COL7A1: variants seen among roughly 807,000 people sequenced by gnomAD.
COL7A1 encodes the protein collagen type VII alpha 1 chain.
COL7A1 carries 296 observed loss-of-function variants against 456.2 expected under a neutral mutation model. The ratio of observed to expected loss-of-function variants is 0.65; its 90% CI spans 0.59 to 0.71. The LOEUF is 0.71. COL7A1 is among the 30% of genes least tolerant of loss of function. The probability of loss-of-function intolerance (pLI) is 0.00; values close to 1 mark genes in which losing one functional copy is unlikely to be tolerated. For missense variants in COL7A1, 3,441 were observed against 4,017.2 expected (o/e 0.86, Z 3.88); for synonymous variants, 1,464 against 1,525.9 (o/e 0.96, Z 0.95).
In COL7A1 at chr3:48,567,664, C is replaced by A. The variant is rs750087257; in HGVS notation, c.7984-28G>T. The A allele has an allele frequency of 3.7e-6, 6 of 1,614,088 alleles. No individual in the cohort carries two copies. The highest frequency in any genetic ancestry group is 5.1e-6 in the Non-Finnish European group (6 of 1,180,012). ...GGAGAAAAAAAGACATGAACTTGGC[C>A]CCCGTCCACCCGTGGCCCCCTCATT... On this transcript the variant is annotated intron_variant, in intron 108 of 118. Transcript: ENST00000681320. The surrounding 1 kb of genome is among the most constrained non-coding windows in gnomAD (Gnocchi z 4.3).
Position 48,568,590 on chromosome 3 carries a change from C to T in COL7A1, c.7759-56G>A, listed in dbSNP as rs2107638898. On this transcript the variant is annotated intron_variant, in intron 104 of 118. Transcript: ENST00000681320. This position sits in a 1 kb window ranked among gnomAD's most constrained non-coding sequence, Gnocchi z 5.2. ...AGTGGGACTGTCCCCAACACTGGCC[C>T]ATCCGCTGCATGTGTGGCCACTCAG... 1.3e-6 allele frequency: 2 copies of T among 1,568,352 alleles called. No individual in the cohort carries two copies. Among genetic ancestry groups the T allele is most frequent in the Non-Finnish European group, 1.7e-6 (2 of 1,150,910 alleles).
rs372550217 is a variant in COL7A1, at chr3:48,574,566, C to A, written c.6394-16G>T. On this transcript the variant is annotated splice_polypyrimidine_tract_variant and intron_variant, in intron 78 of 118. Coordinates refer to ENST00000681320, the MANE Select transcript of COL7A1 (RefSeq NM_000094.4). The surrounding 1 kb of genome is among the most constrained non-coding windows in gnomAD (Gnocchi z 5.0). The stretch of plus-strand genomic sequence containing the variant: ...CTGGCACACCCTGAAGGCAGAGTGT[C>A]GTGCCCTGAGCCCCCAGTCCCTGCC... 3 of 1,613,858 alleles carry A rather than the reference C, an allele frequency of 1.9e-6. No individual in the cohort carries two copies. Among genetic ancestry groups the A allele is most frequent in the South Asian group, 2.2e-5 (2 of 91,084 alleles).
At position 48,570,346 on chromosome 3, in the gene COL7A1, C is replaced by G. The variant is rs2043829185; in HGVS notation, c.7381-12G>C. 6.2e-7 allele frequency: 1 copy of G among 1,614,076 alleles called. No homozygotes were observed. The highest frequency in any genetic ancestry group is 1.1e-5 in the South Asian group (1 of 91,082). Reference sequence around the variant, plus strand: ...ACTCCAGGGTCTCCCTGGAGACCAACAGGACACCGGGGATCAGTGAGGGGA... The same window carrying G: ...ACTCCAGGGTCTCCCTGGAGACCAAGAGGACACCGGGGATCAGTGAGGGGA... On this transcript the variant is annotated splice_polypyrimidine_tract_variant and intron_variant, in intron 97 of 118. Transcript: ENST00000681320. This position sits in a 1 kb window ranked among gnomAD's most constrained non-coding sequence, Gnocchi z 5.5.
At position 48,579,821 on chromosome 3, in the gene COL7A1, G is replaced by A. The variant is rs1482877505; in HGVS notation, c.5125-7C>T. ...CTCCAGGTCCTGTGTCTACCTGTGG[G>A]GGGAATGACCAGTGAGAAGAATGGC... On this transcript the variant is annotated splice_polypyrimidine_tract_variant and splice_region_variant and intron_variant, in intron 57 of 118. Coordinates refer to ENST00000681320, the MANE Select transcript of COL7A1 (RefSeq NM_000094.4). This position sits in a 1 kb window ranked among gnomAD's most constrained non-coding sequence, Gnocchi z 4.4. The A allele has an allele frequency of 5.0e-6, 8 of 1,613,976 alleles. No homozygotes were observed. Among genetic ancestry groups the A allele is most frequent in the Non-Finnish European group, 6.8e-6 (8 of 1,180,034 alleles).
Position 48,583,155 on chromosome 3 carries a change from G to A in COL7A1, c.4454C>T (p.Pro1485Leu), listed in dbSNP as rs2044902678. The A allele has an allele frequency of 6.2e-7, 1 of 1,613,926 alleles. No individual in the cohort carries two copies. Among genetic ancestry groups the A allele is most frequent in the South Asian group, 1.1e-5 (1 of 91,084 alleles). The change falls in exon 43 of 119, where the codon CCA becomes CTA. Residue 1485 changes from proline (P) to leucine (L), a missense_variant. By Grantham distance (98) the Pro-to-Leu change is moderately conservative. This residue lies in a region of COL7A1 where 2,084 missense variants were observed against 2,501.3 expected (regional missense o/e 0.83). Coordinates refer to ENST00000681320, the MANE Select transcript of COL7A1 (RefSeq NM_000094.4). This position sits in a 1 kb window ranked among gnomAD's most constrained non-coding sequence, Gnocchi z 5.1. ...AIGPKGDRGF[P>L]GPLGEAGEKG... Reference sequence around the variant, plus strand: ...CTCTCCAGCCTCACCCAGGGGCCCTGGAAAGCCCCGGTCACCCTGAAGAGA... The same window carrying A: ...CTCTCCAGCCTCACCCAGGGGCCCTAGAAAGCCCCGGTCACCCTGAAGAGA...
In COL7A1 at chr3:48,585,072, G is replaced by C. The variant is rs141825319; in HGVS notation, c.3939C>G (p.Ala1313=). 3.8e-5 allele frequency: 62 copies of C among 1,612,370 alleles called. No homozygotes were observed. The East Asian group carries it at 1.0e-3, about 27-fold the overall frequency. ...ADGRPGSPGR[A]GNPGTPGAPG... ...GGGCTCCAGGGGTCCCAGGATTCCC[G>C]GCGCGGCCAGGGCTGCCTGGACGCC... The change falls in exon 33 of 119, where the codon GCC becomes GCG. Residue 1313 remains alanine, a synonymous_variant. Coordinates refer to ENST00000681320, the MANE Select transcript of COL7A1 (RefSeq NM_000094.4). The surrounding 1 kb of genome is among the most constrained non-coding windows in gnomAD (Gnocchi z 4.5).
intron 71 of COL7A1, 74 bp downstream of exon 71, chr3:48,576,175 G>T: frequency 2.5e-6 from 4 of 1,602,084 alleles, no homozygotes; most frequent in South Asian, 1.1e-5. Flanking sequence ...CTCATGGCAA[G>T]GGGAAGGGGA....
chr3:48,584,019 C>T lies in COL7A1; in HGVS notation c.4224+16G>A, dbSNP rs769745203. ...AGACTCCAAGCCACCCCTAGCACAA[C>T]CTGTCCCTCACTTACCCGCTCCCCA... On this transcript the variant is annotated intron_variant, in intron 38 of 118. Transcript: ENST00000681320. 6.2e-6 allele frequency: 10 copies of T among 1,614,096 alleles called. No individual in the cohort carries two copies. The highest frequency in any genetic ancestry group is 1.7e-5 in the Admixed American group (1 of 60,026).
At position 48,592,064 on chromosome 3, in the gene COL7A1, G is replaced by C; in HGVS notation, c.1240+38C>G. 6.2e-7 allele frequency: 1 copy of C among 1,614,164 alleles called. No individual in the cohort carries two copies. On this transcript the variant is annotated intron_variant, in intron 10 of 118. Coordinates refer to ENST00000681320, the MANE Select transcript of COL7A1 (RefSeq NM_000094.4). The surrounding 1 kb of genome is among the most constrained non-coding windows in gnomAD (Gnocchi z 7.6). ...GTGGCCTCCGGGCCTTGCCCTGCCT[G>C]CCCGTCCCAGCCTGAAGAAAGTGCC...
chr3:48,592,021 A>G lies in COL7A1; in HGVS notation c.1241-7T>C, dbSNP rs2107790458. 6.2e-7 allele frequency: 1 copy of G among 1,614,196 alleles called. No homozygotes were observed. Among genetic ancestry groups the G allele is most frequent in the East Asian group, 2.2e-5 (1 of 44,880 alleles). ...GTCTGCTCAACAGAAGCGTCTGCCC[A>G]GGGCACATGGGATGTCAGTGGCCTC... is the stretch of plus-strand genomic sequence containing the variant. On this transcript the variant is annotated splice_region_variant and splice_polypyrimidine_tract_variant and intron_variant, in intron 10 of 118. Coordinates refer to ENST00000681320, the MANE Select transcript of COL7A1 (RefSeq NM_000094.4). The surrounding 1 kb of genome is among the most constrained non-coding windows in gnomAD (Gnocchi z 7.6).
rs745416469 is a variant in COL7A1 at position 48,587,051 on chromosome 3, G to C, written c.3197C>G (p.Ala1066Gly). The stretch of plus-strand genomic sequence containing the variant: ...CCTCCTCGTAGCCTCCGCACGGTGA[G>C]CATTGTCTTGAGTGGCATGTGGTAG... ...VFLPHATQDN[A>G]HRAEATRRVL... The change falls in exon 25 of 119, where the codon GCT becomes GGT. Residue 1066 changes from alanine to glycine, a missense_variant. Transcript: ENST00000681320. This position sits in a 1 kb window ranked among gnomAD's most constrained non-coding sequence, Gnocchi z 6.1. 5.6e-6 allele frequency: 9 copies of C among 1,609,626 alleles called. No homozygotes were observed. Among genetic ancestry groups the C allele is most frequent in the Non-Finnish European group, 7.6e-6 (9 of 1,177,996 alleles).
At position 48,590,253 on chromosome 3, in the gene COL7A1, G is replaced by A. The variant is rs74861804; in HGVS notation, c.2010C>T (p.Gly670=). ...TYQVAVSVLR[G]REEGPAAVIV... is the part of the protein sequence containing the mutation. Reference sequence around the variant, plus strand: ...TGACTGCAGCAGGGCCCTCCTCTCTGCCTCGCAGTACCGACACAGCCACCT... The same window carrying A: ...TGACTGCAGCAGGGCCCTCCTCTCTACCTCGCAGTACCGACACAGCCACCT... The change falls in exon 16 of 119, where the codon GGC becomes GGT. Residue 670 remains glycine (G), a synonymous_variant. Transcript: ENST00000681320. This position sits in a 1 kb window ranked among gnomAD's most constrained non-coding sequence, Gnocchi z 4.6. 1.1e-4 allele frequency: 177 copies of A among 1,613,860 alleles called. 2 individuals are homozygous for A. The African/African-American group carries it at 2.3e-3, about 21-fold the overall frequency.
In COL7A1 at chr3:48,588,405, CT is replaced by C; in HGVS notation, c.2588-2del. On this transcript the variant is annotated splice_acceptor_variant, in intron 20 of 118. Transcript: ENST00000681320. LOFTEE classifies it high-confidence loss of function. The surrounding 1 kb of genome is among the most constrained non-coding windows in gnomAD (Gnocchi z 4.6). ...CCCAGGGCTGGCGGAGCCTCAGGCG[CT>C]GGAGAGAAAGCTCAGGAATCAGGGA... 1 of 1,609,256 alleles carries C rather than the reference CT, an allele frequency of 6.2e-7. No individual in the cohort carries two copies. The highest frequency in any genetic ancestry group is 8.5e-7 in the Non-Finnish European group (1 of 1,179,760).
In COL7A1 at chr3:48,575,140, G is replaced by A. The variant is rs754404741; in HGVS notation, c.6217-14C>T. ...GCCATCTCTGCCCTGCAGGAAACAAGAAAATGGGGTGGCAGCCCCAGCACA... is the reference window on the plus strand; with the variant it reads ...GCCATCTCTGCCCTGCAGGAAACAAAAAAATGGGGTGGCAGCCCCAGCACA... On this transcript the variant is annotated splice_polypyrimidine_tract_variant and intron_variant, in intron 75 of 118. Coordinates refer to ENST00000681320, the MANE Select transcript of COL7A1 (RefSeq NM_000094.4). This position sits in a 1 kb window ranked among gnomAD's most constrained non-coding sequence, Gnocchi z 6.3. 1.9e-6 allele frequency: 3 copies of A among 1,613,808 alleles called. No individual in the cohort carries two copies. In the East Asian group the frequency reaches 6.7e-5, roughly 36 times the overall value.
chr3:48,572,663 A>C lies in COL7A1; in HGVS notation c.6900+8T>G. On this transcript the variant is annotated splice_region_variant and intron_variant, in intron 88 of 118. Transcript: ENST00000681320. The surrounding 1 kb of genome is among the most constrained non-coding windows in gnomAD (Gnocchi z 4.6). Reference sequence around the variant, plus strand: ...CTGCAGGGGGTGGAAGTCAGGGTCAAAGATCACCTGTCCAGGGGCCCCCGT... The same window carrying C: ...CTGCAGGGGGTGGAAGTCAGGGTCACAGATCACCTGTCCAGGGGCCCCCGT... The C allele has an allele frequency of 6.2e-7, 1 of 1,604,168 alleles. No homozygotes were observed. The highest frequency in any genetic ancestry group is 8.5e-7 in the Non-Finnish European group (1 of 1,175,280).
rs555744118 is a variant in COL7A1 at position 48,588,656 on chromosome 3, A to G, written c.2573T>C (p.Ile858Thr). 136 of 1,613,796 alleles carry G rather than the reference A, an allele frequency of 8.4e-5. No homozygotes were observed. The South Asian group carries it at 1.3e-3, about 15-fold the overall frequency. ...GCTCTGCCTACGCGTAGTGACAACA[A>G]TGGAGACAGGTGTGCCCTCGCGGTC... ...VGDREGTPVSIVVTTPPEAPP... is the reference protein window; with the variant it reads ...VGDREGTPVSTVVTTPPEAPP... Residue 858 changes from isoleucine to threonine, a missense_variant, in exon 20 of 119, where the codon ATT (isoleucine) becomes ACT (threonine). Ile to Thr is a moderately conservative substitution (Grantham distance 89). Transcript: ENST00000681320. The surrounding 1 kb of genome is among the most constrained non-coding windows in gnomAD (Gnocchi z 4.6).
Position 48,580,592 on chromosome 3 carries a change from C to A in COL7A1, c.5041G>T (p.Asp1681Tyr), listed in dbSNP as rs2044679313. Residue 1681 changes from aspartate to tyrosine, a missense_variant, in exon 55 of 119, where the codon GAT becomes TAT. Asp to Tyr is a radical substitution (Grantham distance 160, BLOSUM62 -3). This residue lies in a region of COL7A1 where 2,084 missense variants were observed against 2,501.3 expected (regional missense o/e 0.83). Coordinates refer to ENST00000681320, the MANE Select transcript of COL7A1 (RefSeq NM_000094.4). This position sits in a 1 kb window ranked among gnomAD's most constrained non-coding sequence, Gnocchi z 4.5. ...AGGCTGGGACTCACATTTCGTCCAT[C>A]CTCTCCAGGATCTCCCTGGTCTCCC... is the stretch of plus-strand genomic sequence containing the variant. ...EKGDQGDPGE[D>Y]GRNGSPGSSG... The A allele has an allele frequency of 6.2e-7, 1 of 1,613,838 alleles. No individual in the cohort carries two copies. The highest frequency in any genetic ancestry group is 8.5e-7 in the Non-Finnish European group (1 of 1,179,934).
Position 48,578,268 on chromosome 3 carries a change from G to C in COL7A1, c.5532+53C>G. 6.2e-7 allele frequency: 1 copy of C among 1,606,478 alleles called. No homozygotes were observed. Among genetic ancestry groups the C allele is most frequent in the Non-Finnish European group, 8.5e-7 (1 of 1,175,304 alleles). On this transcript the variant is annotated intron_variant, in intron 65 of 118. Transcript: ENST00000681320. This position sits in a 1 kb window ranked among gnomAD's most constrained non-coding sequence, Gnocchi z 4.7. ...GTTGCTACAGATCTTGGCTGTGTAGGTGTGCTGGCGTTTCTTGGCAGGTTT... is the reference window on the plus strand; with the variant it reads ...GTTGCTACAGATCTTGGCTGTGTAGCTGTGCTGGCGTTTCTTGGCAGGTTT...
Position 48,569,402 on chromosome 3 carries a change from C to T in COL7A1, c.7659G>A (p.Arg2553=). ...PRGLDGDKGP[R]GDNGDPGDKG... is the part of the protein sequence containing the mutation. ...TGTCACCAGGGTCCCCATTGTCTCC[C>T]CGAGGTCCTTTGTCACCATCCAAGC... The change falls in exon 103 of 119, where the codon CGG becomes CGA. Residue 2553 remains arginine (R), a synonymous_variant. Coordinates refer to ENST00000681320, the MANE Select transcript of COL7A1 (RefSeq NM_000094.4). This position sits in a 1 kb window ranked among gnomAD's most constrained non-coding sequence, Gnocchi z 4.9. The T allele has an allele frequency of 6.2e-7, 1 of 1,614,140 alleles. No homozygotes were observed. Among genetic ancestry groups the T allele is most frequent in the Non-Finnish European group, 8.5e-7 (1 of 1,180,000 alleles).
Sources: gnomAD v4.1 joint callset for allele counts on GRCh38, gnomAD v4.1.1 for gene constraint, gnomAD v4.1.1 regional missense constraint, Gnocchi (gnomAD v3.1) non-coding constraint, MANE v1.5 for transcripts, NCBI Gene and HGNC (gene_info 2026-07-23, HGNC 2026-07-21) for gene names.